SPATA22: variants seen among roughly 807,000 people sequenced by gnomAD.
SPATA22 encodes the protein spermatogenesis-associated protein 22.
In SPATA22, 29 loss-of-function variants were observed where a neutral mutation model predicts 47.8. The ratio of observed to expected loss-of-function variants is 0.61; its 90% confidence interval spans 0.45 to 0.83. SPATA22 has a LOEUF of 0.83. SPATA22 is among the 40% of genes least tolerant of loss of function. SPATA22 has a pLI of 0.00. For synonymous variants in SPATA22, 133 were observed against 140.9 expected, an observed-to-expected ratio of 0.94 and a Z score of 0.40; for missense variants, 410 against 421.7, an observed-to-expected ratio of 0.97 and a Z score of 0.24.
In SPATA22 at chr17:3,467,636, C is replaced by T. The variant is rs983147878; in HGVS notation, c.44-82G>A. Reference sequence around the variant, plus strand: ...GTAAAATAATTACTAGTATAATACACACTTTACATTTATCTACTTCTATAT... The same window carrying T: ...GTAAAATAATTACTAGTATAATACATACTTTACATTTATCTACTTCTATAT... On this transcript the variant is annotated intron_variant, in intron 2 of 8. Coordinates refer to ENST00000572969, the MANE Select transcript of SPATA22 (RefSeq NM_001170698.2). The T allele has an allele frequency of 1.7e-5, 18 of 1,084,782 alleles. No homozygotes were observed. The African/African-American group carries it at 2.3e-4, about 14-fold the overall frequency. 67.2% of individuals were successfully genotyped at this position (1,084,782 alleles called of 1,614,324 possible). A position where few individuals can be genotyped will look rare whatever the true frequency, so the allele number is the denominator to read the frequency against.
intron 1 of SPATA22, among the ~76,000 whole-genome samples, chr17:3,506,475 G>GA (rs111345135): frequency 6.6e-6 from 1 of 151,998 alleles, no homozygotes; most frequent in African/African-American, 2.4e-5. Flanking sequence ...TAATTAAGGG[G>GA]AAAAAAATAC....
intron 4 of SPATA22, 38 bp from the exon 5 acceptor site, chr17:3,462,616 T>G: frequency 1.1e-5 from 18 of 1,594,696 alleles, no homozygotes; most frequent in Non-Finnish European, 1.5e-5. Context: ...ATTAATAGTT[T>G]GCTTTCAAAT....
At chr17:3,481,735 G>C in intron 1 of SPATA22, 4 of 1,613,628 alleles carry the variant, frequency 2.5e-6, no homozygotes, top group Non-Finnish European at 3.4e-6. Context: ...CTAACATGGG[G>C]TGCACTCTTA....
At chr17:3,455,337 T>C (rs1276674220) in intron 5 of SPATA22, among the ~76,000 whole-genome samples, 1 of 152,146 alleles carries the variant, frequency 6.6e-6, no homozygotes, top group South Asian at 2.1e-4. Flanking sequence ...TTGTTGCCAT[T>C]GCTTTTGGTG....
chr17:3,458,670 C>T (rs373096403), intron 5 of SPATA22, among the ~76,000 whole-genome samples: 13 of 151,598 alleles, frequency 8.6e-5, no homozygotes, highest in African/African-American at 2.7e-4. Context: ...TGGTGAAACC[C>T]CATCTCTACT....
chr17:3,498,853 C>A (rs1417625641), intron 1 of SPATA22: 2 of 1,451,834 alleles, frequency 1.4e-6, no homozygotes, highest in East Asian at 2.5e-5. Context: ...AGGAGAAAAA[C>A]CAAATATAAT....
chr17:3,506,979 G>T (rs1397556358), intron 1 of SPATA22, among the ~76,000 whole-genome samples: 1 of 88,238 alleles, frequency 1.1e-5, no homozygotes, highest in Non-Finnish European at 2.3e-5. Flanking sequence ...AGAGAGAGAA[G>T]GAAAAGAGAA....
intron 1 of SPATA22, among the ~76,000 whole-genome samples, chr17:3,493,017 T>C (rs1229781285): frequency 6.6e-6 from 1 of 152,216 alleles, no homozygotes; most frequent in Non-Finnish European, 1.5e-5. Context: ...CCATTCTAAC[T>C]CTGCTCTAAA....
At chr17:3,498,521 G>A (rs1027829914) in intron 1 of SPATA22, among the ~76,000 whole-genome samples, 3 of 151,742 alleles carry the variant, frequency 2.0e-5, no homozygotes, top group East Asian at 1.9e-4. Context: ...CTAATTTTTC[G>A]TATTTTTTCT....
intron 1 of SPATA22, chr17:3,481,895 G>A (rs2073637897): frequency 8.3e-7 from 1 of 1,202,340 alleles, no homozygotes; most frequent in Non-Finnish European, 1.2e-6. Context: ...ATGAGGGAAG[G>A]TGCAAGAGAA....
chr17:3,509,618 A>G (rs978259779), intron 1 of SPATA22, among the ~76,000 whole-genome samples: 3 of 152,210 alleles, frequency 2.0e-5, no homozygotes, highest in Non-Finnish European at 2.9e-5. Context: ...TAGTGCTGCA[A>G]TAAACATATA....
chr17:3,471,421 C>A (rs2073432012), intron 1 of SPATA22: 1 of 985,198 alleles, frequency 1.0e-6, no homozygotes, highest in African/African-American at 1.7e-5. Flanking sequence ...GGGCGGGGAC[C>A]CTCATTTACC....
At chr17:3,479,235 T>C (rs887397154) in intron 1 of SPATA22, among the ~76,000 whole-genome samples, 1 of 152,192 alleles carries the variant, frequency 6.6e-6, no homozygotes, top group African/African-American at 2.4e-5. Context: ...ACTGCAGGCA[T>C]GAGAACTCAA....
intron 6 of SPATA22, among the ~76,000 whole-genome samples, 169 bp downstream of exon 6, chr17:3,448,637 AT>A (rs1264304318): frequency 6.6e-6 from 1 of 152,210 alleles, no homozygotes; most frequent in Admixed American, 6.6e-5. Context: ...CTAAGAAAAT[AT>A]TTTGGAAACT....
intron 1 of SPATA22, among the ~76,000 whole-genome samples, chr17:3,487,435 C>A (rs1174768338): frequency 1.3e-5 from 2 of 152,124 alleles, no homozygotes; most frequent in Non-Finnish European, 2.9e-5. Flanking sequence ...TTTGGCTCAA[C>A]TTGTAAGGGC....
At chr17:3,498,105 C>T (rs569895936) in intron 1 of SPATA22, among the ~76,000 whole-genome samples, 16 of 152,256 alleles carry the variant, frequency 1.1e-4, no homozygotes, top group African/African-American at 3.4e-4. Context: ...CACCAATCCC[C>T]GTCAGAATAG....
chr17:3,479,138 A>G (rs930441331), intron 1 of SPATA22, among the ~76,000 whole-genome samples: 3 of 152,160 alleles, frequency 2.0e-5, no homozygotes, highest in Non-Finnish European at 4.4e-5. Context: ...TCCAGAATAG[A>G]TTTAATCAAC....
intron 1 of SPATA22, among the ~76,000 whole-genome samples, chr17:3,479,647 C>T (rs1240313311): frequency 5.3e-5 from 8 of 152,026 alleles, no homozygotes; most frequent in Non-Finnish European, 1.0e-4. Context: ...TGCACCGACT[C>T]GACGTGGTCC....
chr17:3,503,250 A>G (rs961475616), intron 1 of SPATA22: 6 of 152,184 alleles, frequency 3.9e-5, no homozygotes, highest in Non-Finnish European at 8.8e-5. Flanking sequence ...ATATTTATAC[A>G]TTTTCATTCT....
Sources: allele counts gnomAD v4.1 joint callset (sites outside exome capture counted in the v4.1 genomes callset), GRCh38; gene constraint gnomAD v4.1.1; transcripts MANE v1.5; gene names NCBI Gene and HGNC (gene_info 2026-07-23, HGNC 2026-07-21).